The following ARSB variants were observed in gnomAD, a reference collection of about 807,000 sequenced individuals.
ARSB encodes the protein N-acetylgalactosamine-4-sulfatase.
In ARSB, 41 loss-of-function variants were observed where a neutral mutation model predicts 50.9. The observed-to-expected ratio is 0.81, with a 90% CI of 0.63 to 1.04. ARSB has a LOEUF of 1.04. Ranked by LOEUF, ARSB falls within the 50% of genes least tolerant of loss-of-function variation. The probability of loss-of-function intolerance (pLI) is 0.00; values close to 1 mark genes in which losing one functional copy is unlikely to be tolerated. For synonymous variants in ARSB, 269 were observed against 284.8 expected (o/e 0.94, Z 0.56); for missense variants, 672 against 693.3 (o/e 0.97, Z 0.35).
At chr5:78,982,430 A>C (rs1752945949) in intron 1 of ARSB, among the ~76,000 whole-genome samples, 1 of 152,262 alleles carries the variant, frequency 6.6e-6, no homozygotes, top group Non-Finnish European at 1.5e-5. Context: ...CAAATGTCCA[A>C]AAGTAATACA....
chr5:78,960,724 C>T (rs891937769), intron 3 of ARSB, among the ~76,000 whole-genome samples: 2 of 152,198 alleles, frequency 1.3e-5, no homozygotes, highest in African/African-American at 4.8e-5. Flanking sequence ...GCCACCAGGC[C>T]TGGCTAATTT....
intron 6 of ARSB, among the ~76,000 whole-genome samples, chr5:78,783,715 T>A (rs937772510): frequency 6.6e-6 from 1 of 152,120 alleles, no homozygotes; most frequent in Non-Finnish European, 1.5e-5. Context: ...CAAAGAATGT[T>A]AAATAAAACA....
At chr5:78,790,932 T>C (rs1749218273) in intron 6 of ARSB, among the ~76,000 whole-genome samples, 1 of 152,204 alleles carries the variant, frequency 6.6e-6, no homozygotes, top group Non-Finnish European at 1.5e-5. Context: ...GTAAAAAGGA[T>C]TTATGTGTAG....
chr5:78,815,998 G>T, intron 6 of ARSB: 1 of 1,557,364 alleles, frequency 6.4e-7, no homozygotes, highest in African/African-American at 1.5e-5. Flanking sequence ...GGAGCCACCC[G>T]AGGCCTTGAG....
At chr5:78,843,063 G>A (rs1745296091) in intron 5 of ARSB, among the ~76,000 whole-genome samples, 1 of 152,126 alleles carries the variant, frequency 6.6e-6, no homozygotes, top group Non-Finnish European at 1.5e-5. Flanking sequence ...AAGATCACTG[G>A]CGGTGGAACC....
intron 3 of ARSB, among the ~76,000 whole-genome samples, chr5:78,959,621 G>A (rs1039844147): frequency 4.6e-5 from 7 of 151,934 alleles, no homozygotes; most frequent in Admixed American, 3.3e-4. Flanking sequence ...AGTCCATGTC[G>A]GTACTATAGC....
chr5:78,938,555 A>C (rs533271412), intron 4 of ARSB, among the ~76,000 whole-genome samples: 9 of 152,366 alleles, frequency 5.9e-5, no homozygotes, highest in Non-Finnish European at 1.0e-4. Flanking sequence ...AAATTCATTT[A>C]AGTGTCTGAA....
chr5:78,866,629 G>C lies in ARSB; in HGVS notation c.1142+18955C>G, dbSNP rs117750398. On this transcript the variant is annotated intron_variant, in intron 5 of 7. Transcript: ENST00000264914. Reference sequence around the variant, plus strand: ...CCAAGGAAGTAGCTTGGATAAGGAAGTGTGCAGGACGAGAGTGGCTGCCTT... The same window carrying C: ...CCAAGGAAGTAGCTTGGATAAGGAACTGTGCAGGACGAGAGTGGCTGCCTT... Among the ~76,000 whole-genome samples the C allele has an allele frequency of 5.4e-4, 83 of 152,356 alleles. No individual in the cohort carries two copies. The East Asian group carries it at 0.016, about 29-fold the overall frequency.
In ARSB at chr5:78,781,962, C is replaced by A. The variant is rs1266165787; in HGVS notation, c.1226G>T (p.Ser409Ile). Reference protein sequence around the residue: ...FVDSSPCPRNSMAPAKDDSSL... With the variant: ...FVDSSPCPRNIMAPAKDDSSL... ...AGAGTCATCCTTTGCTGGAGCCATG[C>A]TGTTCCTGGGACCTGGGAAGAAATA... The change falls in exon 7 of 8, where the codon AGC becomes ATC. Residue 409 changes from serine (S) to isoleucine (I), a missense_variant. By Grantham distance (142) the Ser-to-Ile change is moderately radical. Coordinates refer to ENST00000264914, the MANE Select transcript of ARSB (RefSeq NM_000046.5). 1 of 1,614,006 alleles carries A rather than the reference C, an allele frequency of 6.2e-7. No homozygotes were observed. Among genetic ancestry groups the A allele is most frequent in the Non-Finnish European group, 8.5e-7 (1 of 1,179,976 alleles).
chr5:78,936,212 C>T (rs1310069283), intron 4 of ARSB, among the ~76,000 whole-genome samples: 1 of 148,666 alleles, frequency 6.7e-6, no homozygotes, highest in Non-Finnish European at 1.5e-5. Flanking sequence ...GCAACCTCCG[C>T]CTCCCGGGTT....
chr5:78,899,614 C>A (rs1291505874), intron 4 of ARSB, among the ~76,000 whole-genome samples: 1 of 152,192 alleles, frequency 6.6e-6, no homozygotes, highest in Non-Finnish European at 1.5e-5. Flanking sequence ...CTCAGAGCCT[C>A]TTAAGAGTTC....
intron 4 of ARSB, among the ~76,000 whole-genome samples, chr5:78,933,750 A>G (rs1403482306): frequency 6.6e-6 from 1 of 152,248 alleles, no homozygotes; most frequent in Non-Finnish European, 1.5e-5. Flanking sequence ...TCCTAACCTC[A>G]GAACCTGTGA....
intron 4 of ARSB, among the ~76,000 whole-genome samples, chr5:78,927,441 G>C (rs1205496916): frequency 6.6e-6 from 1 of 152,080 alleles, no homozygotes; most frequent in Non-Finnish European, 1.5e-5. Context: ...GCACTATTTA[G>C]TATTGAATAA....
intron 6 of ARSB, among the ~76,000 whole-genome samples, chr5:78,807,901 G>A (rs1046042616): frequency 2.0e-5 from 3 of 151,520 alleles, no homozygotes; most frequent in Non-Finnish European, 2.9e-5. Flanking sequence ...AGACCATCCC[G>A]GCTAAAACGG....
chr5:78,811,921 T>C (rs1743820549), intron 6 of ARSB, among the ~76,000 whole-genome samples: 1 of 151,614 alleles, frequency 6.6e-6, no homozygotes, highest in Admixed American at 6.6e-5. Context: ...TGTATTCACA[T>C]TTCATCCATA....
At chr5:78,852,037 A>G (rs1350996106) in intron 5 of ARSB, among the ~76,000 whole-genome samples, 1 of 152,172 alleles carries the variant, frequency 6.6e-6, no homozygotes, top group Non-Finnish European at 1.5e-5. Flanking sequence ...GTGTCTTTTA[A>G]TTGGAGCATT....
rs544685528 is a variant in ARSB, at chr5:78,845,014, C to G, written c.1143-5588G>C. Among the ~76,000 whole-genome samples, 28 of 152,216 alleles carry G rather than the reference C, an allele frequency of 1.8e-4. No homozygotes were observed. In the South Asian group the frequency reaches 4.8e-3, roughly 26 times the overall value. ...TTAATTGTACTTTTATATCCATTAA[C>G]TAACCTTTGGCTATTCTCCTCTCCC... On this transcript the variant is annotated intron_variant, in intron 5 of 7. Transcript: ENST00000264914.
intron 1 of ARSB, among the ~76,000 whole-genome samples, chr5:78,979,900 G>T (rs1038982956): frequency 6.6e-6 from 1 of 152,170 alleles, no homozygotes; most frequent in Non-Finnish European, 1.5e-5. Flanking sequence ...ACAACCTAAT[G>T]TCCATGAATT....
chr5:78,897,054 CA>C (rs143918609), intron 4 of ARSB, among the ~76,000 whole-genome samples: 6 of 147,268 alleles, frequency 4.1e-5, no homozygotes, highest in Non-Finnish European at 6.0e-5. Flanking sequence ...AGTAGAAATA[CA>C]AAAAAAAAGA....
Sources: gnomAD v4.1 joint callset for allele counts (sites outside exome capture counted in the v4.1 genomes callset) on GRCh38, gnomAD v4.1.1 for gene constraint, MANE v1.5 for transcripts, NCBI Gene and HGNC (gene_info 2026-07-23, HGNC 2026-07-21) for gene names.